LHPP: variants seen among roughly 807,000 people sequenced by gnomAD.
LHPP encodes phospholysine phosphohistidine inorganic pyrophosphate phosphatase, also known as hLHPP.
In LHPP, 24 loss-of-function variants were observed where a neutral mutation model predicts 30.3. The observed-to-expected ratio is 0.79, with a 90% CI of 0.57 to 1.11. The LOEUF is 1.11. Ranked by LOEUF, LHPP falls within the 50% of genes most tolerant of loss-of-function variation. LHPP has a pLI of 0.00. For missense variants in LHPP, 356 were observed against 367.2 expected (o/e 0.97, Z 0.25); for synonymous variants, 150 against 157.1 (o/e 0.95, Z 0.34).
intron 6 of LHPP, among the ~76,000 whole-genome samples, chr10:124,601,917 A>C (rs531546153): frequency 6.6e-6 from 1 of 152,178 alleles, no homozygotes; most frequent in Admixed American, 6.5e-5. Flanking sequence ...GCCGTGGGCT[A>C]CCAGGCCCTG....
intron 6 of LHPP, among the ~76,000 whole-genome samples, chr10:124,528,907 C>G (rs1419405368): frequency 2.6e-5 from 4 of 152,080 alleles, no homozygotes; most frequent in African/African-American, 9.7e-5. Flanking sequence ...CGTCAGGGAT[C>G]TCTGCTCTGT....
At chr10:124,553,283 G>A (rs1173602411) in intron 6 of LHPP, among the ~76,000 whole-genome samples, 1 of 152,126 alleles carries the variant, frequency 6.6e-6, no homozygotes, top group African/African-American at 2.4e-5. Context: ...AAATCCATAT[G>A]CTGAGCTGGG....
At chr10:124,482,554 G>A (rs893907321) in intron 1 of LHPP, among the ~76,000 whole-genome samples, 10 of 152,158 alleles carry the variant, frequency 6.6e-5, no homozygotes, top group Non-Finnish European at 1.2e-4. Flanking sequence ...TGTTGGGGCC[G>A]GTTTGTCCAG....
chr10:124,530,383 C>T (rs545996444), intron 6 of LHPP, among the ~76,000 whole-genome samples: 231 of 152,228 alleles, frequency 1.5e-3, no homozygotes, highest in Middle Eastern at 3.4e-3. Context: ...GCTACATACA[C>T]TCACCCGGGC....
chr10:124,549,555 C>T (rs1423752512), intron 6 of LHPP, among the ~76,000 whole-genome samples: 2 of 152,068 alleles, frequency 1.3e-5, no homozygotes, highest in Non-Finnish European at 2.9e-5. Context: ...TTTTTTCTTT[C>T]TTCACTTTAG....
intron 6 of LHPP, among the ~76,000 whole-genome samples, chr10:124,577,811 G>A: frequency 7.4e-6 from 1 of 135,748 alleles, no homozygotes; most frequent in South Asian, 2.6e-4. Flanking sequence ...GGCAGCATTG[G>A]GACTTGAATC....
In LHPP at chr10:124,541,989, G is replaced by A. The variant is rs1307508774; in HGVS notation, c.716+24718G>A. ...CAGACATGAAACGGACAGCAGGAGG[G>A]GGCTTTGAGGGGTCTCTCCTGAGAC... On this transcript the variant is annotated intron_variant, in intron 6 of 6. Transcript: ENST00000368842. This position sits in a 1 kb window ranked among gnomAD's most constrained non-coding sequence, Gnocchi z 4.2. Among the ~76,000 whole-genome samples the A allele has an allele frequency of 6.6e-6, 1 of 152,070 alleles. No individual in the cohort carries two copies. The highest frequency in any genetic ancestry group is 2.4e-5 in the African/African-American group (1 of 41,394).
chr10:124,521,782 G>C (rs1482922372), intron 6 of LHPP, among the ~76,000 whole-genome samples: 1 of 152,200 alleles, frequency 6.6e-6, no homozygotes, highest in East Asian at 1.9e-4. Flanking sequence ...AGGGATGACT[G>C]AGGCCTCCCA....
At chr10:124,529,921 C>G (rs1479241085) in intron 6 of LHPP, among the ~76,000 whole-genome samples, 1 of 152,242 alleles carries the variant, frequency 6.6e-6, no homozygotes, top group Non-Finnish European at 1.5e-5. Flanking sequence ...GGAATCAGCC[C>G]TGCAGATGCG....
intron 6 of LHPP, among the ~76,000 whole-genome samples, chr10:124,536,949 C>G (rs1485990402): frequency 1.3e-5 from 2 of 152,106 alleles, no homozygotes; most frequent in Admixed American, 1.3e-4. Context: ...GCTCCCCGAC[C>G]TCTCCAGCAA....
chr10:124,540,107 G>A (rs926858138), intron 6 of LHPP, among the ~76,000 whole-genome samples: 2 of 152,140 alleles, frequency 1.3e-5, no homozygotes, highest in Admixed American at 6.5e-5. Context: ...GGGAGGGGAG[G>A]GTTTACCTGC....
chr10:124,519,259 A>G (rs1564806282), intron 6 of LHPP, among the ~76,000 whole-genome samples: 3 of 152,206 alleles, frequency 2.0e-5, no homozygotes, highest in African/African-American at 7.2e-5. Flanking sequence ...CAGAGAGAGA[A>G]ACTCCATCAA....
chr10:124,483,710 T>TGG (rs1277977497), intron 1 of LHPP, among the ~76,000 whole-genome samples: 2 of 151,800 alleles, frequency 1.3e-5, no homozygotes, highest in Non-Finnish European at 2.9e-5. Context: ...TGAGCTGAGA[T>TGG]CATGCCACTG....
At chr10:124,562,457 T>C (rs1451548877) in intron 6 of LHPP, among the ~76,000 whole-genome samples, 1 of 152,114 alleles carries the variant, frequency 6.6e-6, no homozygotes, top group East Asian at 1.9e-4. Flanking sequence ...GTCTGTGAAC[T>C]TGAAGGCAGG....
At chr10:124,505,411 C>T (rs1954035536) in intron 5 of LHPP, among the ~76,000 whole-genome samples, 1 of 152,164 alleles carries the variant, frequency 6.6e-6, no homozygotes, top group South Asian at 2.1e-4. Flanking sequence ...CCAGTCATTT[C>T]CCTTGATCAC....
intron 6 of LHPP, among the ~76,000 whole-genome samples, chr10:124,548,746 G>T (rs1314944476): frequency 6.6e-6 from 1 of 152,222 alleles, no homozygotes; most frequent in Non-Finnish European, 1.5e-5. Context: ...CGAGAATGGA[G>T]CTCCGAGGGA....
At chr10:124,469,069 A>G (rs1952645119) in intron 1 of LHPP, among the ~76,000 whole-genome samples, 1 of 152,158 alleles carries the variant, frequency 6.6e-6, no homozygotes, top group Admixed American at 6.5e-5. Context: ...CACGGGGGCG[A>G]GTGGCCCTGC....
chr10:124,476,720 C>A (rs1952959497), intron 1 of LHPP, among the ~76,000 whole-genome samples: 1 of 152,218 alleles, frequency 6.6e-6, no homozygotes, highest in Admixed American at 6.5e-5. Context: ...ATTGAAAAAA[C>A]AACTCTGCTC....
intron 6 of LHPP, among the ~76,000 whole-genome samples, chr10:124,545,660 G>A (rs1375844396): frequency 6.6e-6 from 1 of 152,214 alleles, no homozygotes; most frequent in Non-Finnish European, 1.5e-5. Context: ...GCGGGGTGGG[G>A]TGGAAGTGTT....
Sources: allele counts gnomAD v4.1 joint callset (sites outside exome capture counted in the v4.1 genomes callset), GRCh38; gene constraint gnomAD v4.1.1; non-coding constraint Gnocchi (gnomAD v3.1); transcripts MANE v1.5; gene names NCBI Gene and HGNC (gene_info 2026-07-23, HGNC 2026-07-21).